The following PKD1L1 variants were observed in gnomAD, a reference collection of about 807,000 sequenced individuals.
The protein encoded by PKD1L1 is polycystin 1 like 1, transient receptor potential channel interacting.
In PKD1L1, 236 loss-of-function variants were observed where a neutral mutation model predicts 323.4. The observed-to-expected ratio is 0.73, with a 90% confidence interval of 0.66 to 0.81. The LOEUF is 0.81. Ranked by LOEUF, PKD1L1 falls within the 40% of genes least tolerant of loss-of-function variation. The pLI is 0.00. For missense variants in PKD1L1, 3,320 were observed against 3,508.0 expected, an observed-to-expected ratio of 0.95 and a Z score of 1.35; for synonymous variants, 1,344 against 1,335.0, an observed-to-expected ratio of 1.01 and a Z score of -0.15.
At chr7:47,816,793 T>C (rs1374289478) in intron 46 of PKD1L1, among the ~76,000 whole-genome samples, 2 of 152,194 alleles carry the variant, frequency 1.3e-5, no homozygotes, top group African/African-American at 4.8e-5. Flanking sequence ...TATGAATCAT[T>C]CAGATGATGG....
the PKD1L1 span, among the ~76,000 whole-genome samples, chr7:47,958,301 T>TGA: frequency 6.6e-6 from 1 of 152,192 alleles, no homozygotes; most frequent in Admixed American, 6.5e-5. Flanking sequence ...AGCCAACTGA[T>TGA]ATTCAACAAA....
rs774057205 is a variant in PKD1L1, at chr7:47,943,494, C to A, written c.62G>T (p.Cys21Phe). 3.7e-6 allele frequency: 6 copies of A among 1,612,734 alleles called. No individual in the cohort carries two copies. The South Asian group carries it at 6.6e-5, about 18-fold the overall frequency. The change falls in exon 2 of 57, where the codon TGC becomes TTC. Residue 21 changes from cysteine to phenylalanine, a missense_variant. By Grantham distance (205) the Cys-to-Phe change is radical. Coordinates refer to ENST00000289672, the MANE Select transcript of PKD1L1 (RefSeq NM_138295.5). ...CAGCTCACCACCAAAGGAAAGGCAGCAGGCAGCCTGGAGACACCTAAGGGA... is the reference window on the plus strand; with the variant it reads ...CAGCTCACCACCAAAGGAAAGGCAGAAGGCAGCCTGGAGACACCTAAGGGA... Reference protein sequence around the residue: ...DDQERCLQAACCLSFGGELSV... With the variant: ...DDQERCLQAAFCLSFGGELSV...
chr7:47,813,344 C>T lies in PKD1L1; in HGVS notation c.7174-51G>A, dbSNP rs150151829. 140 of 1,596,406 alleles carry T rather than the reference C, an allele frequency of 8.8e-5. No individual in the cohort carries two copies. In the African/African-American group the frequency reaches 1.5e-3, roughly 17 times the overall value. ...GACACAGATACTATTCCCAAGGCTA[C>T]CCTGCAATCCGGGGTCTCCAGGCCT... On this transcript the variant is annotated intron_variant, in intron 48 of 56. Transcript: ENST00000289672.
Position 47,792,650 on chromosome 7 carries a change from T to C in PKD1L1, c.8503A>G (p.Ile2835Val), listed in dbSNP as rs770478337. ...ARTEESPLVD[I>V]SSYQAAEPAD... Reference sequence around the variant, plus strand: ...ACCTCAGCAGCTTGGTAACTAGAAATGTCCACTAAGGGACTCTCTTCTGTC... The same window carrying C: ...ACCTCAGCAGCTTGGTAACTAGAAACGTCCACTAAGGGACTCTCTTCTGTC... Residue 2835 changes from isoleucine to valine, a missense_variant, in exon 56 of 57, where the codon ATT (isoleucine) becomes GTT (valine). Ile to Val is a conservative substitution (Grantham distance 29, BLOSUM62 3). Coordinates refer to ENST00000289672, the MANE Select transcript of PKD1L1 (RefSeq NM_138295.5). 2.5e-6 allele frequency: 4 copies of C among 1,613,152 alleles called. No individual in the cohort carries two copies. Among genetic ancestry groups the C allele is most frequent in the Admixed American group, 1.7e-5 (1 of 59,850 alleles).
At position 47,840,599 on chromosome 7, in the gene PKD1L1, G is replaced by T; in HGVS notation, c.5446-32C>A. 6.6e-7 allele frequency: 1 copy of T among 1,521,364 alleles called. No individual in the cohort carries two copies. The highest frequency in any genetic ancestry group is 9.1e-7 in the Non-Finnish European group (1 of 1,097,148). 94.2% of individuals were successfully genotyped at this position (1,521,364 alleles called of 1,614,324 possible). ...ACAAAGAACAGGGGTGGGAACTCAGGCTATTTCACAGCAGACACCATGCAA... is the reference window on the plus strand; with the variant it reads ...ACAAAGAACAGGGGTGGGAACTCAGTCTATTTCACAGCAGACACCATGCAA... On this transcript the variant is annotated intron_variant, in intron 34 of 56. Transcript: ENST00000289672. This position sits in a 1 kb window ranked among gnomAD's most constrained non-coding sequence, Gnocchi z 4.1.
Position 47,881,503 on chromosome 7 carries a change from C to T in PKD1L1, c.3442+406G>A, listed in dbSNP as rs868521694. 1.3e-5 allele frequency among the ~76,000 whole-genome samples: 2 copies of T among 152,274 alleles called. 1 individual carries two copies. The highest frequency in any genetic ancestry group is 6.8e-3 in the Middle Eastern group (2 of 294). On this transcript the variant is annotated intron_variant, in intron 20 of 56. Transcript: ENST00000289672. ...AAAGGGGGAAATACAACAAATTGAGCAAAAGCACCATGTCTGGGCTGGGAA... is the reference window on the plus strand; with the variant it reads ...AAAGGGGGAAATACAACAAATTGAGTAAAAGCACCATGTCTGGGCTGGGAA...
intron 4 of PKD1L1, among the ~76,000 whole-genome samples, chr7:47,934,980 A>G (rs1787840289): frequency 6.6e-6 from 1 of 152,146 alleles, no homozygotes; most frequent in African/African-American, 2.4e-5. Flanking sequence ...TGGGAGGTGG[A>G]GTCAATGAGC....
At chr7:47,874,059 A>C (rs200102530) in intron 23 of PKD1L1, 49 bp from the exon 24 acceptor site, 156 of 1,188,404 alleles carry the variant, frequency 1.3e-4, no homozygotes, top group Non-Finnish European at 1.1e-4. Context: ...TGTGGGTTAC[A>C]GAGATGCTTC....
At position 47,841,932 on chromosome 7, in the gene PKD1L1, T is replaced by C. The variant is rs941892980; in HGVS notation, c.5445+1030A>G. On this transcript the variant is annotated intron_variant, in intron 34 of 56. Transcript: ENST00000289672. ...TTAGTGCTAATCATTAGAGTGAAGA[T>C]GCTTCTTCATTTGCTATGTAGACAA... Among the ~76,000 whole-genome samples, 5 of 152,252 alleles carry C rather than the reference T, an allele frequency of 3.3e-5. No individual in the cohort carries two copies. In the East Asian group the frequency reaches 9.6e-4, roughly 29 times the overall value.
intron 17 of PKD1L1, among the ~76,000 whole-genome samples, chr7:47,887,762 A>T (rs993203931): frequency 6.6e-6 from 1 of 152,154 alleles, no homozygotes; most frequent in African/African-American, 2.4e-5. Flanking sequence ...TCCATATCAC[A>T]CTGAGGTCAG....
chr7:47,808,519 G>A (rs568830732), intron 51 of PKD1L1, 132 bp from the exon 52 acceptor site: 13 of 1,105,532 alleles, frequency 1.2e-5, no homozygotes, highest in Middle Eastern at 3.1e-4. Context: ...GAAATGCATC[G>A]CTGGGTGATT....
intron 1 of PKD1L1, among the ~76,000 whole-genome samples, chr7:47,944,822 G>A (rs1043901280): frequency 6.6e-6 from 1 of 152,194 alleles, no homozygotes; most frequent in Non-Finnish European, 1.5e-5. Flanking sequence ...AGGTATCTGT[G>A]TCTGGCACCA....
chr7:47,790,433 C>T (rs1038010466), intron 56 of PKD1L1, among the ~76,000 whole-genome samples: 4 of 151,688 alleles, frequency 2.6e-5, no homozygotes, highest in Admixed American at 6.6e-5. Context: ...TGGGTTCACG[C>T]TATTCTCCTG....
rs936512697 is a variant in PKD1L1, at chr7:47,946,272, C to T, written c.44+2125G>A. Among the ~76,000 whole-genome samples, 2 of 152,086 alleles carry T rather than the reference C, an allele frequency of 1.3e-5. No homozygotes were observed. Among genetic ancestry groups the T allele is most frequent in the Non-Finnish European group, 2.9e-5 (2 of 68,026 alleles). ...AATTACATGACAGATCTCTTAGAAT[C>T]CCTTAAGAGTGAGTGTTTTTCGGGG... On this transcript the variant is annotated intron_variant, in intron 1 of 56. Transcript: ENST00000289672. This position sits in a 1 kb window ranked among gnomAD's most constrained non-coding sequence, Gnocchi z 4.1.
chr7:47,855,159 C>T lies in PKD1L1; in HGVS notation c.4697G>A (p.Gly1566Asp). Residue 1566 changes from glycine to aspartate, a missense_variant, in exon 29 of 57, where the codon GGC becomes GAC. Physicochemically the swap from Gly to Asp is moderately conservative, Grantham distance 94. Transcript: ENST00000289672. ...ACTGAGAAAGGCTCTCCTTACCAGG[C>T]CATCCTCCTCCCCAAACTCGACCAT... is the stretch of plus-strand genomic sequence containing the variant. ...PVMVEFGEED[G>D]LDNRRNKTTF... 1 of 1,613,972 alleles carries T rather than the reference C, an allele frequency of 6.2e-7. No individual in the cohort carries two copies. The highest frequency in any genetic ancestry group is 8.5e-7 in the Non-Finnish European group (1 of 1,179,850).
intron 43 of PKD1L1, 45 bp from the exon 44 acceptor site, chr7:47,829,646 T>C (rs758590097): frequency 6.5e-7 from 1 of 1,544,896 alleles, no homozygotes; most frequent in South Asian, 1.2e-5. Flanking sequence ...CCTATGTCTG[T>C]GTTCATTCCA....
chr7:47,802,671 G>A (rs1047265339), intron 53 of PKD1L1, among the ~76,000 whole-genome samples: 6 of 152,188 alleles, frequency 3.9e-5, no homozygotes, highest in East Asian at 1.9e-4. Flanking sequence ...GGACCAGATC[G>A]GAATCAACAG....
chr7:47,879,797 G>A (rs1786494892), intron 21 of PKD1L1, among the ~76,000 whole-genome samples: 2 of 149,460 alleles, frequency 1.3e-5, no homozygotes, highest in Non-Finnish European at 3.0e-5. Context: ...GCTGGGCGTG[G>A]TGGCAGGCAG....
chr7:47,823,200 C>T (rs1227924997), intron 45 of PKD1L1, among the ~76,000 whole-genome samples: 6 of 152,178 alleles, frequency 3.9e-5, no homozygotes, highest in Admixed American at 3.9e-4. Flanking sequence ...GTCGAGTTTT[C>T]ATAGATACCC....
Sources: gnomAD v4.1 joint callset for allele counts (sites outside exome capture counted in the v4.1 genomes callset) on GRCh38, gnomAD v4.1.1 for gene constraint, Gnocchi (gnomAD v3.1) non-coding constraint, MANE v1.5 for transcripts, NCBI Gene and HGNC (gene_info 2026-07-23, HGNC 2026-07-21) for gene names.